The following UPP2 variants were observed in gnomAD, a reference collection of about 807,000 sequenced individuals.
UPP2 encodes the protein UPase 2.
UPP2 carries 23 observed loss-of-function variants against 26.7 expected under a neutral mutation model. The observed-to-expected ratio is 0.86, with a 90% CI of 0.62 to 1.22. The LOEUF (loss-of-function observed/expected upper bound fraction) is 1.22. Ranked by LOEUF, UPP2 falls within the 50% of genes most tolerant of loss-of-function variation. UPP2 has a pLI of 0.00. For missense variants in UPP2, 387 were observed against 396.7 expected, an observed-to-expected ratio of 0.98 and a Z score of 0.21; for synonymous variants, 127 against 141.3, an observed-to-expected ratio of 0.90 and a Z score of 0.72.
chr2:158,080,406 T>C (rs1682704215), intron 3 of UPP2, among the ~76,000 whole-genome samples: 1 of 152,162 alleles, frequency 6.6e-6, no homozygotes, highest in African/African-American at 2.4e-5. Flanking sequence ...GTGCAATTTG[T>C]TAGTCTACCA....
chr2:158,113,174 T>C (rs1027943007), intron 2 of UPP2, among the ~76,000 whole-genome samples: 7 of 152,226 alleles, frequency 4.6e-5, no homozygotes, highest in Non-Finnish European at 8.8e-5. Context: ...CTGTCGATTA[T>C]AGCAATATCT....
At chr2:158,005,003 G>A (rs958200373) in intron 2 of UPP2, among the ~76,000 whole-genome samples, 28 of 152,128 alleles carry the variant, frequency 1.8e-4, no homozygotes, top group African/African-American at 6.8e-4. Context: ...CAGTACCCTA[G>A]GTTGGGTGTG....
chr2:158,034,455 A>T (rs1025128892), intron 3 of UPP2, among the ~76,000 whole-genome samples: 1 of 152,138 alleles, frequency 6.6e-6, no homozygotes, highest in African/African-American at 2.4e-5. Flanking sequence ...AAGTTCTAAG[A>T]TGTGTAAGGA....
At chr2:158,122,868 T>C (rs1683600647) in intron 5 of UPP2, among the ~76,000 whole-genome samples, 1 of 152,014 alleles carries the variant, frequency 6.6e-6, no homozygotes, top group Admixed American at 6.6e-5. Context: ...TCAGCTTAAA[T>C]AGAGGTGGTG....
chr2:158,014,824 T>C (rs1171805815), intron 2 of UPP2, among the ~76,000 whole-genome samples: 1 of 152,188 alleles, frequency 6.6e-6, no homozygotes, highest in East Asian at 1.9e-4. Context: ...CCTAGGGAAA[T>C]TTGGTTCTAA....
chr2:158,106,424 T>A (rs893270838), intron 2 of UPP2, among the ~76,000 whole-genome samples: 5 of 152,174 alleles, frequency 3.3e-5, no homozygotes, highest in African/African-American at 9.7e-5. Context: ...AAACTAAATC[T>A]AATGCAAACA....
chr2:158,088,372 GC>G (rs1558926557), intron 3 of UPP2, among the ~76,000 whole-genome samples: 1 of 152,036 alleles, frequency 6.6e-6, no homozygotes, highest in Non-Finnish European at 1.5e-5. Context: ...TTTCACTGAA[GC>G]TTTTTCCCTT....
Position 158,107,057 on chromosome 2 carries a change from G to A in UPP2, c.180+841G>A, listed in dbSNP as rs140833983. On this transcript the variant is annotated intron_variant, in intron 2 of 6. Transcript: ENST00000005756. ...CACACATTACAGAGACTATTACTGA[G>A]TTTTATGTTAAAATATTTTCCATTA... Among the ~76,000 whole-genome samples, 17 of 152,226 alleles carry A rather than the reference G, an allele frequency of 1.1e-4. No homozygotes were observed. In the East Asian group the frequency reaches 2.9e-3, roughly 26 times the overall value.
intron 3 of UPP2, among the ~76,000 whole-genome samples, chr2:158,089,124 C>T (rs1445350741): frequency 6.6e-6 from 1 of 151,968 alleles, no homozygotes; most frequent in Non-Finnish European, 1.5e-5. Flanking sequence ...TTAGGTGTGT[C>T]TGAGCTCTGA....
chr2:158,131,393 G>A lies in UPP2; in HGVS notation c.812-3355G>A, dbSNP rs183242040. 3.3e-4 allele frequency among the ~76,000 whole-genome samples: 51 copies of A among 152,242 alleles called. No individual in the cohort carries two copies. In the East Asian group the frequency reaches 4.6e-3, roughly 14 times the overall value. ...GGGGTTAAAGTGGTGGTCCATAGGGGTGCGTGGATTCCTAAGGATTCATGA... is the reference window on the plus strand; with the variant it reads ...GGGGTTAAAGTGGTGGTCCATAGGGATGCGTGGATTCCTAAGGATTCATGA... On this transcript the variant is annotated intron_variant, in intron 6 of 6. Coordinates refer to ENST00000005756, the MANE Select transcript of UPP2 (RefSeq NM_173355.4).
rs552120077 is a variant in UPP2 at position 158,128,587 on chromosome 2, A to C, written c.811+4692A>C. ...TACATGACTGTAGCTCAGGGAGGTT[A>C]AATAACTTTCCCACCTTCTCAGAGC... On this transcript the variant is annotated intron_variant, in intron 6 of 6. Coordinates refer to ENST00000005756, the MANE Select transcript of UPP2 (RefSeq NM_173355.4). Among the ~76,000 whole-genome samples the C allele has an allele frequency of 2.0e-5, 3 of 152,288 alleles. No homozygotes were observed. The East Asian group carries it at 5.8e-4, about 29-fold the overall frequency.
intron 2 of UPP2, among the ~76,000 whole-genome samples, chr2:158,005,486 G>A (rs758128444): frequency 1.4e-4 from 21 of 152,140 alleles, no homozygotes; most frequent in Non-Finnish European, 2.5e-4. Context: ...TTGTCACCCA[G>A]GTGGAAAACA....
intron 3 of UPP2, among the ~76,000 whole-genome samples, chr2:158,068,332 A>G (rs1007356012): frequency 2.6e-5 from 4 of 152,240 alleles, no homozygotes; most frequent in African/African-American, 9.6e-5. Context: ...ATATCAGGCT[A>G]GTTAACCCGA....
At chr2:158,102,439 A>G (rs1683096624) in intron 1 of UPP2, among the ~76,000 whole-genome samples, 1 of 152,200 alleles carries the variant, frequency 6.6e-6, no homozygotes, top group Admixed American at 6.5e-5. Context: ...GACTCACTAT[A>G]GAGTTCAGCC....
chr2:158,023,310 G>T (rs1342880882), intron 3 of UPP2, among the ~76,000 whole-genome samples: 1 of 150,452 alleles, frequency 6.6e-6, no homozygotes, highest in African/African-American at 2.4e-5. Context: ...AAAGTTTATT[G>T]TTTTTGTATT....
intron 2 of UPP2, among the ~76,000 whole-genome samples, chr2:158,010,867 G>A (rs1683566165): frequency 6.6e-6 from 1 of 151,286 alleles, no homozygotes; most frequent in African/African-American, 2.4e-5. Context: ...CTGGGTTCAA[G>A]TGATTCTGGT....
intron 3 of UPP2, among the ~76,000 whole-genome samples, chr2:158,071,282 C>T (rs1372438129): frequency 2.0e-5 from 3 of 151,964 alleles, no homozygotes; most frequent in African/African-American, 2.4e-5. Flanking sequence ...CCTTCCAGCA[C>T]GGTGGCTCAT....
At chr2:158,039,606 C>G (rs1335578603) in intron 3 of UPP2, among the ~76,000 whole-genome samples, 1 of 152,170 alleles carries the variant, frequency 6.6e-6, no homozygotes, top group African/African-American at 2.4e-5. Flanking sequence ...CTCAGTGTCC[C>G]AACTAAGGCT....
intron 3 of UPP2, among the ~76,000 whole-genome samples, chr2:158,036,353 G>A (rs7560997): frequency 0.048 from 7,353 of 152,084 alleles, 321 homozygotes; most frequent in East Asian, 0.13. Context: ...CCTTCACTAC[G>A]ACTGTACCCC....
Sources: gnomAD v4.1 joint callset for allele counts (sites outside exome capture counted in the v4.1 genomes callset) on GRCh38, gnomAD v4.1.1 for gene constraint, MANE v1.5 for transcripts, NCBI Gene and HGNC (gene_info 2026-07-23, HGNC 2026-07-21) for gene names.